Variants in LPP observed in about 807,000 individuals in gnomAD.
The protein encoded by LPP is LIM domain containing preferred translocation partner in lipoma.
A neutral mutation model predicts 60.4 loss-of-function variants in LPP; 38 were observed. The ratio of observed to expected loss-of-function variants is 0.63; its 90% CI spans 0.49 to 0.83. LPP has a LOEUF of 0.83. Ranked by LOEUF, LPP falls within the 40% of genes least tolerant of loss-of-function variation. LPP has a pLI of 0.00. For missense variants in LPP, 902 were observed against 783.6 expected (o/e 1.15, Z -1.80); for synonymous variants, 328 against 290.8 (o/e 1.13, Z -1.30).
intron 8 of LPP, chr3:188,709,951 T>C (rs2149715664): frequency 6.6e-6 from 1 of 152,366 alleles, no homozygotes; most frequent in Middle Eastern, 3.4e-3. Flanking sequence ...TAATCCTTTG[T>C]TCCTGTATTT....
At chr3:188,477,302 T>C (rs1337184594) in intron 4 of LPP, among the ~76,000 whole-genome samples, 1 of 152,224 alleles carries the variant, frequency 6.6e-6, no homozygotes, top group Non-Finnish European at 1.5e-5. Flanking sequence ...GGAGATTTCC[T>C]GGGTATTGCT....
chr3:188,649,570 A>G (rs1449020110), intron 7 of LPP, among the ~76,000 whole-genome samples: 2 of 142,954 alleles, frequency 1.4e-5, no homozygotes, highest in East Asian at 3.8e-4. Context: ...CTAGGGAAAT[A>G]CCATCTTGGT....
At chr3:188,730,138 G>A (rs1163279976) in intron 8 of LPP, among the ~76,000 whole-genome samples, 14 of 152,168 alleles carry the variant, frequency 9.2e-5, no homozygotes, top group Non-Finnish European at 1.3e-4. Context: ...AAATCATTGT[G>A]CGTATGTGCA....
chr3:188,426,423 A>G (rs549675999), intron 4 of LPP, among the ~76,000 whole-genome samples: 33 of 152,266 alleles, frequency 2.2e-4, no homozygotes, highest in African/African-American at 7.2e-4. Flanking sequence ...AAGAATATAT[A>G]TTTTGTTGAT....
At chr3:188,597,903 G>A (rs1226407887) in intron 6 of LPP, among the ~76,000 whole-genome samples, 5 of 152,126 alleles carry the variant, frequency 3.3e-5, no homozygotes, top group Admixed American at 3.3e-4. Flanking sequence ...CCCACATGGA[G>A]TTTAGAGAGG....
chr3:188,307,625 G>A (rs1751953444), intron 2 of LPP, among the ~76,000 whole-genome samples: 2 of 152,160 alleles, frequency 1.3e-5, no homozygotes, highest in South Asian at 4.1e-4. Flanking sequence ...TTTTTAAGTT[G>A]TTTGTTGTAT....
intron 7 of LPP, among the ~76,000 whole-genome samples, chr3:188,640,248 C>G (rs1484931474): frequency 2.0e-5 from 3 of 151,284 alleles, no homozygotes; most frequent in African/African-American, 7.3e-5. Context: ...AATCATCATT[C>G]TCAGTAAGCT....
chr3:188,395,313 G>A (rs532743154), intron 3 of LPP, among the ~76,000 whole-genome samples: 4 of 152,192 alleles, frequency 2.6e-5, no homozygotes, highest in Non-Finnish European at 4.4e-5. Flanking sequence ...TGAACCCCTG[G>A]TCTCAAGTGA....
chr3:188,830,449 A>G (rs978761922), intron 9 of LPP, among the ~76,000 whole-genome samples: 8 of 151,998 alleles, frequency 5.3e-5, no homozygotes, highest in Non-Finnish European at 8.8e-5. Context: ...CTAAAAAAGT[A>G]CAAAAAATTA....
At chr3:188,179,038 CAGAGAG>C (rs10616335) in intron 1 of LPP, 3,876 of 167,796 alleles carry the variant, frequency 0.023, 56 homozygotes, top group Middle Eastern at 0.029. Context: ...GGGAGAGAGA[CAGAGAG>C]AGAGAGAGAG....
At chr3:188,863,999 A>G (rs938821307) in intron 9 of LPP, among the ~76,000 whole-genome samples, 12 of 150,536 alleles carry the variant, frequency 8.0e-5, no homozygotes, top group Non-Finnish European at 1.5e-4. Flanking sequence ...GGAGCAAAAC[A>G]CAAGTCCTGG....
intron 9 of LPP, among the ~76,000 whole-genome samples, chr3:188,787,100 A>G (rs1742166412): frequency 6.6e-6 from 1 of 152,174 alleles, no homozygotes; most frequent in African/African-American, 2.4e-5. Context: ...CACCTGCATG[A>G]ACTTACACAT....
At chr3:188,267,015 C>CTCTCCTCT (rs1291761649) in intron 2 of LPP, among the ~76,000 whole-genome samples, 2 of 152,174 alleles carry the variant, frequency 1.3e-5, no homozygotes, top group Admixed American at 1.3e-4. Flanking sequence ...AAAGCATGTG[C>CTCTCCTCT]TCTCCTCTTT....
At chr3:188,511,636 A>G (rs9821365) in intron 5 of LPP, among the ~76,000 whole-genome samples, 38,546 of 151,870 alleles carry the variant, frequency 0.25, 5,235 homozygotes, top group East Asian at 0.45. Context: ...CAATTCTTCC[A>G]TTTACTGCCC....
intron 1 of LPP, among the ~76,000 whole-genome samples, chr3:188,173,028 C>G (rs1259484449): frequency 6.6e-6 from 1 of 152,128 alleles, no homozygotes; most frequent in Non-Finnish European, 1.5e-5. Flanking sequence ...CCACCACACC[C>G]AGATAAATTT....
At chr3:188,735,492 C>T (rs1722173436) in intron 8 of LPP, among the ~76,000 whole-genome samples, 1 of 152,028 alleles carries the variant, frequency 6.6e-6, no homozygotes, top group South Asian at 2.1e-4. Context: ...AGCAATTCTC[C>T]TGCCTCAGCC....
chr3:188,179,124 G>A (rs13096262), intron 1 of LPP: 172,213 of 327,412 alleles, frequency 0.53, 49,963 homozygotes, highest in East Asian at 0.87. Flanking sequence ...GAGGTTTTGA[G>A]AGCATTGATA....
At position 188,881,748 on chromosome 3, in the gene LPP, C is replaced by T. The variant is rs1560344625; in HGVS notation, c.*7269C>T. On this transcript the variant is annotated 3_prime_UTR_variant, in exon 12 of 12. Coordinates refer to ENST00000617246, the MANE Select transcript of LPP (RefSeq NM_001375462.1). ...AGTTCATATTCCATTCAACCTTTTC[C>T]TTTTATCCTTGTCTTCTTCAGAATA... 1 of 224,234 alleles carries T rather than the reference C, an allele frequency of 4.5e-6. No individual in the cohort carries two copies. Among genetic ancestry groups the T allele is most frequent in the Non-Finnish European group, 8.9e-6 (1 of 112,324 alleles). 13.9% of individuals were successfully genotyped at this position (224,234 alleles called of 1,614,324 possible).
At chr3:188,244,759 G>A (rs1312571774) in intron 2 of LPP, among the ~76,000 whole-genome samples, 1 of 151,956 alleles carries the variant, frequency 6.6e-6, no homozygotes, top group African/African-American at 2.4e-5. Context: ...CATCTCCTTT[G>A]GCTTAATCAC....
Sources: allele counts gnomAD v4.1 joint callset (sites outside exome capture counted in the v4.1 genomes callset), GRCh38; gene constraint gnomAD v4.1.1; transcripts MANE v1.5; gene names NCBI Gene and HGNC (gene_info 2026-07-23, HGNC 2026-07-21).